CCDC73: variants seen among roughly 807,000 people sequenced by gnomAD.
CCDC73 encodes the protein coiled-coil domain-containing protein 73.
In CCDC73, 95 loss-of-function variants were observed where a neutral mutation model predicts 116.5. The observed-to-expected ratio is 0.82, with a 90% CI of 0.69 to 0.97. The LOEUF (loss-of-function observed/expected upper bound fraction) is 0.97, where lower values mean the gene tolerates loss of function less well. Among genes scored for constraint, CCDC73 ranks in the 50% least tolerant of loss-of-function variants. The pLI, the probability that CCDC73 is intolerant of heterozygous loss-of-function variation, is 0.00. For synonymous variants in CCDC73, 398 were observed against 401.3 expected (o/e 0.99, Z 0.10); for missense variants, 1,066 against 1,206.8 (o/e 0.88, Z 1.73).
intron 2 of CCDC73, 40 bp from the exon 3 acceptor site, chr11:32,718,187 G>C (rs769803791): frequency 1.4e-6 from 2 of 1,405,318 alleles, no homozygotes. Flanking sequence ...TAAAAATAAA[G>C]ACTTTAAAAC....
Position 32,684,695 on chromosome 11 carries a change from C to T in CCDC73, c.391-1121G>A, listed in dbSNP as rs145849798. Among the ~76,000 whole-genome samples, 441 of 152,198 alleles carry T rather than the reference C, an allele frequency of 2.9e-3. 7 individuals are homozygous for T. Among genetic ancestry groups the T allele is most frequent in the African/African-American group, 0.01 (422 of 41,544 alleles). On this transcript the variant is annotated intron_variant, in intron 6 of 17. Coordinates refer to ENST00000335185, the MANE Select transcript of CCDC73 (RefSeq NM_001008391.4). ...TCTAAGATTTGTTAATTTTTATAGG[C>T]TTTTTTAAACTGTTACAAAAGCCAG...
intron 2 of CCDC73, among the ~76,000 whole-genome samples, chr11:32,737,748 T>C (rs528458127): frequency 3.3e-5 from 5 of 152,288 alleles, no homozygotes; most frequent in African/African-American, 7.2e-5. Flanking sequence ...TATTAGACTA[T>C]AGTCACCTTA....
chr11:32,611,168 T>G lies in CCDC73; in HGVS notation c.2994A>C (p.Ala998=). ...GAAAAGAGGAATCATAAAAAGTCTTTGCCATTGCATTCTTCTCTTCACTGG... is the reference window on the plus strand; with the variant it reads ...GAAAAGAGGAATCATAAAAAGTCTTGGCCATTGCATTCTTCTCTTCACTGG... ...GEPSEEKNAM[A]KTFYDSSFPT... The change falls in exon 17 of 18, where the codon GCA becomes GCC. Residue 998 remains alanine, a synonymous_variant. Coordinates refer to ENST00000335185, the MANE Select transcript of CCDC73 (RefSeq NM_001008391.4). 2 of 1,613,992 alleles carry G rather than the reference T, an allele frequency of 1.2e-6. No homozygotes were observed. Among genetic ancestry groups the G allele is most frequent in the South Asian group, 2.2e-5 (2 of 91,068 alleles).
chr11:32,753,318 G>A lies in CCDC73; in HGVS notation c.135+6791C>T, dbSNP rs572791421. Among the ~76,000 whole-genome samples the A allele has an allele frequency of 4.8e-4, 66 of 137,174 alleles. No homozygotes were observed. In the East Asian group the frequency reaches 0.014, roughly 29 times the overall value. The allele number at this position is 137,174 out of a possible 152,430, so 90.0% of individuals were successfully genotyped here. ...CTTTTTTTTTTTTTTTTCTTTTTGA[G>A]ACAAGCTCTTGCCGTGTCACCCAGG... On this transcript the variant is annotated intron_variant, in intron 2 of 17. Transcript: ENST00000335185.
intron 12 of CCDC73, among the ~76,000 whole-genome samples, chr11:32,642,726 GCTGATAATCCAA>G (rs879381423): frequency 6.6e-5 from 10 of 151,784 alleles, no homozygotes; most frequent in South Asian, 6.2e-4. Context: ...TCCAATGTCT[GCTGATAATCCAA>G]GTAAATTTCT....
chr11:32,709,151 C>T (rs1476178202), intron 3 of CCDC73, among the ~76,000 whole-genome samples: 2 of 152,140 alleles, frequency 1.3e-5, no homozygotes, highest in African/African-American at 2.4e-5. Context: ...TCTGTGTCTA[C>T]TGAGATGATC....
rs117181095 is a variant in CCDC73 at position 32,677,725 on chromosome 11, G to A, written c.430-1704C>T. ...TTCCAGCACTTTGGGAGGATAAGGC[G>A]GGTAGATCACAAGGTCAGGAGTTCG... On this transcript the variant is annotated intron_variant, in intron 7 of 17. Coordinates refer to ENST00000335185, the MANE Select transcript of CCDC73 (RefSeq NM_001008391.4). Among the ~76,000 whole-genome samples, 763 of 151,468 alleles carry A rather than the reference G, an allele frequency of 5.0e-3. 1 individual carries two copies. Among genetic ancestry groups the A allele is most frequent in the African/African-American group, 9.6e-3 (395 of 41,262 alleles).
At chr11:32,646,449 G>C (rs1197207780) in intron 12 of CCDC73, among the ~76,000 whole-genome samples, 1 of 152,170 alleles carries the variant, frequency 6.6e-6, no homozygotes, top group Non-Finnish European at 1.5e-5. Context: ...AAGATGTCTT[G>C]ATTCTACCAA....
intron 1 of CCDC73, among the ~76,000 whole-genome samples, chr11:32,784,165 A>C (rs1045677455): frequency 6.6e-6 from 1 of 152,162 alleles, no homozygotes; most frequent in Non-Finnish European, 1.5e-5. Context: ...CCCCGTCTCT[A>C]CTAAAAGATA....
chr11:32,635,764 T>C lies in CCDC73; in HGVS notation c.1117A>G (p.Ile373Val), dbSNP rs775109786. The stretch of plus-strand genomic sequence containing the variant: ...TTGTTATAATGTTCTTGTAACTTAA[T>C]ATGAGTTTCTTTAAGGGATGATAAT... ...NELSSLKETH[I>V]KLQEHYNKLC... Residue 373 changes from isoleucine to valine, a missense_variant, in exon 14 of 18, where the codon ATT becomes GTT. Transcript: ENST00000335185. 2 of 1,277,324 alleles carry C rather than the reference T, an allele frequency of 1.6e-6. No individual in the cohort carries two copies. Among genetic ancestry groups the C allele is most frequent in the Non-Finnish European group, 2.0e-6 (2 of 987,672 alleles). 79.1% of individuals were successfully genotyped at this position (1,277,324 alleles called of 1,614,324 possible). A position where few individuals can be genotyped will look rare whatever the true frequency, so the allele number is the denominator to read the frequency against.
chr11:32,611,057 G>A, intron 17 of CCDC73, 75 bp downstream of exon 17: 1 of 1,422,580 alleles, frequency 7.0e-7, no homozygotes, highest in South Asian at 1.3e-5. Flanking sequence ...AAAGCATCCA[G>A]ATGCGTACAG....
chr11:32,663,212 T>G (rs570750972), intron 9 of CCDC73, among the ~76,000 whole-genome samples: 5 of 152,250 alleles, frequency 3.3e-5, no homozygotes, highest in African/African-American at 1.2e-4. Flanking sequence ...TTTCCAATTC[T>G]GTGAAGAAAG....
chr11:32,725,520 T>C (rs1459247300), intron 2 of CCDC73, among the ~76,000 whole-genome samples: 1 of 152,200 alleles, frequency 6.6e-6, no homozygotes, highest in African/African-American at 2.4e-5. Flanking sequence ...TACTGTGTTT[T>C]GCTCATTACA....
intron 3 of CCDC73, among the ~76,000 whole-genome samples, chr11:32,707,290 G>A (rs1849864126): frequency 6.6e-6 from 1 of 151,960 alleles, no homozygotes; most frequent in African/African-American, 2.4e-5. Flanking sequence ...ATTTGTTCAA[G>A]ACCTTAAGAC....
intron 13 of CCDC73, among the ~76,000 whole-genome samples, chr11:32,638,941 A>C (rs376222705): frequency 2.6e-5 from 4 of 151,822 alleles, no homozygotes; most frequent in Non-Finnish European, 5.9e-5. Context: ...TGAGCTCAGG[A>C]GTTCGAGACC....
chr11:32,678,897 AAT>A lies in CCDC73; in HGVS notation c.430-2878_430-2877del, dbSNP rs1554964648. ...GGCTCCGTCACAAAAAAAAAAAAAA[AAT>A]ATATATATATACACACACACACAGA... On this transcript the variant is annotated intron_variant, in intron 7 of 17. Transcript: ENST00000335185. Among the ~76,000 whole-genome samples, 381 of 145,214 alleles carry A rather than the reference AAT, an allele frequency of 2.6e-3. 9 individuals carry two copies. Among genetic ancestry groups the A allele is most frequent in the Middle Eastern group, 3.6e-3 (1 of 280 alleles).
At position 32,613,512 on chromosome 11, in the gene CCDC73, G is replaced by T. The variant is rs1374085647; in HGVS notation, c.2806C>A (p.Pro936Thr). 2 of 1,613,790 alleles carry T rather than the reference G, an allele frequency of 1.2e-6. No individual in the cohort carries two copies. Among genetic ancestry groups the T allele is most frequent in the Non-Finnish European group, 1.7e-6 (2 of 1,179,930 alleles). ...PCISLLLKER[P>T]LDPSENKKII... ...TTTTTGTTTTCTGATGGATCTAGTG[G>T]TCTCTCCTTCAGCAACAAAGAAATG... Residue 936 changes from proline to threonine, a missense_variant, in exon 16 of 18, where the codon CCA becomes ACA. Coordinates refer to ENST00000335185, the MANE Select transcript of CCDC73 (RefSeq NM_001008391.4).
chr11:32,730,979 A>G (rs781499329), intron 2 of CCDC73, among the ~76,000 whole-genome samples: 7 of 152,188 alleles, frequency 4.6e-5, no homozygotes, highest in Non-Finnish European at 1.0e-4. Context: ...GCGAGGCATC[A>G]TCTCACCCGG....
intron 3 of CCDC73, among the ~76,000 whole-genome samples, chr11:32,713,111 A>C (rs1849916284): frequency 6.6e-6 from 1 of 152,086 alleles, no homozygotes; most frequent in African/African-American, 2.4e-5. Flanking sequence ...GATTTATTAG[A>C]AACTCCCCCC....
Sources: allele counts gnomAD v4.1 joint callset (sites outside exome capture counted in the v4.1 genomes callset), GRCh38; gene constraint gnomAD v4.1.1; transcripts MANE v1.5; gene names NCBI Gene and HGNC (gene_info 2026-07-23, HGNC 2026-07-21).